The following CHAF1A variants were observed in gnomAD, a reference collection of about 807,000 sequenced individuals.
CHAF1A encodes chromatin assembly factor 1 subunit A, also known as CAF-1 subunit A.
CHAF1A carries 5 observed loss-of-function variants against 93.2 expected under a neutral mutation model. The observed-to-expected ratio is 0.05, with a 90% CI of 0.03 to 0.11. The LOEUF (loss-of-function observed/expected upper bound fraction) is 0.11, where lower values mean the gene tolerates loss of function less well. Ranked by LOEUF, CHAF1A falls within the 10% of genes least tolerant of loss-of-function variation. The probability of loss-of-function intolerance (pLI) is 1.00; values close to 1 mark genes in which losing one functional copy is unlikely to be tolerated. For synonymous variants in CHAF1A, 504 were observed against 510.3 expected (o/e 0.99, Z 0.17); for missense variants, 1,102 against 1,259.9 (o/e 0.87, Z 1.90).
In CHAF1A at chr19:4,409,290, T is replaced by G. The variant is rs1973744763; in HGVS notation, c.491T>G (p.Ile164Ser). The G allele has an allele frequency of 2.5e-6, 4 of 1,613,908 alleles. No homozygotes were observed. The African/African-American group carries it at 5.3e-5, about 22-fold the overall frequency. ...GATCAGCAGGGGTTGTTGAAGGCCA[T>G]TCAGAACGACAAGTTGGCATTTCCT... Reference protein sequence around the residue: ...TGDQQGLLKAIQNDKLAFPGE... With the variant: ...TGDQQGLLKASQNDKLAFPGE... The change falls in exon 3 of 15, where the codon ATT becomes AGT. Residue 164 changes from isoleucine to serine, a missense_variant. Transcript: ENST00000301280.
At chr19:4,448,755 G>A (rs939746324), downstream of CHAF1A, 19 of 290,066 alleles carry the variant, frequency 6.6e-5, no homozygotes, top group Non-Finnish European at 1.3e-4. Flanking sequence ...ATCCATCAAG[G>A]CCACCGCCAC....
At chr19:4,435,567 A>C (rs1974269216) in intron 13 of CHAF1A, among the ~76,000 whole-genome samples, 1 of 152,056 alleles carries the variant, frequency 6.6e-6, no homozygotes, top group African/African-American at 2.4e-5. Flanking sequence ...ACAGGGTTTC[A>C]CCATGTTGCC....
rs574427906 is a variant in CHAF1A at position 4,404,623 on chromosome 19, A to G, written c.53-1289A>G. Among the ~76,000 whole-genome samples the G allele has an allele frequency of 7.9e-5, 12 of 152,238 alleles. No homozygotes were observed. The South Asian group carries it at 2.3e-3, about 29-fold the overall frequency. The stretch of plus-strand genomic sequence containing the variant: ...GGGTGAGGGGTGGTTTCATGTATGG[A>G]CGATGGAGTTTTTTAGGAAGCCCCA... On this transcript the variant is annotated intron_variant, in intron 1 of 14. Coordinates refer to ENST00000301280, the MANE Select transcript of CHAF1A (RefSeq NM_005483.3).
chr19:4,442,919 C>T lies in CHAF1A; in HGVS notation c.2771-6C>T, dbSNP rs1208610804. The T allele has an allele frequency of 1.9e-6, 3 of 1,576,404 alleles. No individual in the cohort carries two copies. The African/African-American group carries it at 4.0e-5, about 21-fold the overall frequency. ...AGCTCAAGACCCTCCCTCTCTTGCC[C>T]TGCAGAGGTCCAAGCCCCGTGTGGA... On this transcript the variant is annotated splice_region_variant and splice_polypyrimidine_tract_variant and intron_variant, in intron 14 of 14. Coordinates refer to ENST00000301280, the MANE Select transcript of CHAF1A (RefSeq NM_005483.3).
At chr19:4,447,601 G>A (rs376182636), downstream of CHAF1A, 5 of 1,613,978 alleles carry the variant, frequency 3.1e-6, no homozygotes, top group Non-Finnish European at 4.2e-6. Flanking sequence ...CCTCCTCGGG[G>A]TGCAGGTGGA....
chr19:4,409,897 T>A, intron 3 of CHAF1A, 138 bp downstream of exon 3: 1 of 940,798 alleles, frequency 1.1e-6, no homozygotes, highest in Non-Finnish European at 1.6e-6. Context: ...GACGTGGAGT[T>A]CTTCCTGGTA....
intron 3 of CHAF1A, 27 bp from the exon 4 acceptor site, chr19:4,417,993 T>G: frequency 6.4e-7 from 1 of 1,555,894 alleles, no homozygotes; most frequent in Non-Finnish European, 8.8e-7. Flanking sequence ...TAACCCGTGT[T>G]TAAAGATAAA....
In CHAF1A at chr19:4,433,417, G is replaced by A. The variant is rs2145134458; in HGVS notation, c.2551G>A (p.Glu851Lys). The change falls in exon 13 of 15, where the codon GAG becomes AAG. Residue 851 changes from glutamate (E) to lysine (K), a missense_variant. Physicochemically the swap from Glu to Lys is moderately conservative, Grantham distance 56. Coordinates refer to ENST00000301280, the MANE Select transcript of CHAF1A (RefSeq NM_005483.3). The surrounding 1 kb of genome is among the most constrained non-coding windows in gnomAD (Gnocchi z 5.6). ...GACATCGGTGCCCTCGGCCCCCAAA[G>A]AGGACAGTGGCAGCGTCCCCTCCAC... ...YVTSVPSAPKEDSGSVPSTGP... is the reference protein window; with the variant it reads ...YVTSVPSAPKKDSGSVPSTGP... 3.7e-6 allele frequency: 6 copies of A among 1,612,090 alleles called. No homozygotes were observed. Among genetic ancestry groups the A allele is most frequent in the Non-Finnish European group, 4.2e-6 (5 of 1,178,426 alleles).
chr19:4,416,919 CAG>C (rs1490213323), intron 3 of CHAF1A, among the ~76,000 whole-genome samples: 1 of 152,086 alleles, frequency 6.6e-6, no homozygotes, highest in Non-Finnish European at 1.5e-5. Context: ...AAATAAAAAG[CAG>C]AGTTGAGCTA....
At chr19:4,430,345 G>A (rs1280089923) in intron 10 of CHAF1A, among the ~76,000 whole-genome samples, 1 of 151,938 alleles carries the variant, frequency 6.6e-6, no homozygotes, top group Non-Finnish European at 1.5e-5. Context: ...GCCCAGCCAA[G>A]ATTTGTATTT....
chr19:4,429,391 A>G (rs776154837), intron 8 of CHAF1A, 47 bp from the exon 9 acceptor site: 38 of 1,587,242 alleles, frequency 2.4e-5, no homozygotes, highest in East Asian at 2.2e-4. Flanking sequence ...GTTTGTGAGC[A>G]GGTCTGTAAG....
chr19:4,431,195 G>A (rs1178942997), intron 11 of CHAF1A: 1 of 152,230 alleles, frequency 6.6e-6, no homozygotes, highest in Non-Finnish European at 1.5e-5. Flanking sequence ...ATGGCCCGGT[G>A]TTGGCTCACT....
chr19:4,437,627 T>G (rs1031051764), intron 13 of CHAF1A, among the ~76,000 whole-genome samples: 6 of 152,216 alleles, frequency 3.9e-5, no homozygotes, highest in Admixed American at 2.0e-4. Context: ...AGCTGCTGAC[T>G]GATGCTTCTG....
chr19:4,424,425 G>GTT lies in CHAF1A; in HGVS notation c.1377+552_1377+553dup, dbSNP rs577230420. On this transcript the variant is annotated intron_variant, in intron 7 of 14. Coordinates refer to ENST00000301280, the MANE Select transcript of CHAF1A (RefSeq NM_005483.3). ...CTTAGCTATCTCAGATTTGTGCCAT[G>GTT]TTGCCACATTTAGATGTATTTCATT... Among the ~76,000 whole-genome samples the GTT allele has an allele frequency of 4.3e-3, 657 of 152,284 alleles. 4 individuals carry two copies. Among genetic ancestry groups the GTT allele is most frequent in the Non-Finnish European group, 7.3e-3 (499 of 68,022 alleles).
rs1973747435 is a variant in CHAF1A, at chr19:4,409,395, C to G, written c.596C>G (p.Ser199Cys). Residue 199 changes from serine (S) to cysteine (C), a missense_variant, in exon 3 of 15, where the codon TCC becomes TGC. Physicochemically the swap from Ser to Cys is moderately radical, Grantham distance 112. Transcript: ENST00000301280. ...GGAGGTGCAGGGAGGAGAGGCGACTCCCAGGAATGTTCGCCACGGAGCTGC... is the reference window on the plus strand; with the variant it reads ...GGAGGTGCAGGGAGGAGAGGCGACTGCCAGGAATGTTCGCCACGGAGCTGC... ...GCGGAGRRGDSQECSPRSCPE... is the reference protein window; with the variant it reads ...GCGGAGRRGDCQECSPRSCPE... The G allele has an allele frequency of 6.2e-7, 1 of 1,614,100 alleles. No individual in the cohort carries two copies. The highest frequency in any genetic ancestry group is 8.5e-7 in the Non-Finnish European group (1 of 1,180,024).
chr19:4,435,926 G>A (rs931742229), intron 13 of CHAF1A, among the ~76,000 whole-genome samples: 1 of 152,192 alleles, frequency 6.6e-6, no homozygotes, highest in Non-Finnish European at 1.5e-5. Context: ...ATCACCTGAA[G>A]TCAGGAGTTC....
chr19:4,449,183 C>G (rs192763149), downstream of CHAF1A: 9 of 153,230 alleles, frequency 5.9e-5, no homozygotes, highest in African/African-American at 2.2e-4. Context: ...CCATCACACA[C>G]GGCCACACCC....
chr19:4,413,180 T>G (rs922849193), intron 3 of CHAF1A, among the ~76,000 whole-genome samples: 2 of 152,202 alleles, frequency 1.3e-5, no homozygotes, highest in Non-Finnish European at 2.9e-5. Context: ...CAAGCAATTC[T>G]CCTGTCTCAA....
rs757142234 is a variant in CHAF1A, at chr19:4,433,276, G to A, written c.2410G>A (p.Glu804Lys). 130 of 1,614,016 alleles carry A rather than the reference G, an allele frequency of 8.1e-5. No homozygotes were observed. Among genetic ancestry groups the A allele is most frequent in the Non-Finnish European group, 1.0e-4 (122 of 1,180,042 alleles). The change falls in exon 13 of 15, where the codon GAG (glutamate) becomes AAG (lysine). Residue 804 changes from glutamate to lysine, a missense_variant. By Grantham distance (56) the Glu-to-Lys change is moderately conservative (BLOSUM62 1). Around this residue, in one of 6 missense-constraint regions of CHAF1A, gnomAD observed 76 missense variants for 129.8 expected, o/e 0.59. Coordinates refer to ENST00000301280, the MANE Select transcript of CHAF1A (RefSeq NM_005483.3). The surrounding 1 kb of genome is among the most constrained non-coding windows in gnomAD (Gnocchi z 5.6). ...SKSRLKRLIS[E>K]NSVYEKRPDF... ...GTCCCGGCTCAAGCGGCTCATTTCC[G>A]AGAACTCAGTGTATGAGAAGCGGCC...
Sources: allele counts gnomAD v4.1 joint callset (sites outside exome capture counted in the v4.1 genomes callset), GRCh38; gene constraint gnomAD v4.1.1; regional missense constraint gnomAD v4.1.1; non-coding constraint Gnocchi (gnomAD v3.1); transcripts MANE v1.5; gene names NCBI Gene and HGNC (gene_info 2026-07-23, HGNC 2026-07-21).